The following HTR4 variants were observed in gnomAD, a reference collection of about 807,000 sequenced individuals.
HTR4 encodes the protein 5-hydroxytryptamine receptor 4.
HTR4 carries 16 observed loss-of-function variants against 36.8 expected under a neutral mutation model. The ratio of observed to expected loss-of-function variants is 0.43; its 90% CI spans 0.29 to 0.66. HTR4 has a LOEUF of 0.66. Among genes scored for constraint, HTR4 ranks in the 30% least tolerant of loss-of-function variants. The pLI, the probability that HTR4 is intolerant of heterozygous loss-of-function variation, is 0.13. For missense variants in HTR4, 438 were observed against 490.9 expected, an observed-to-expected ratio of 0.89 and a Z score of 1.02; for synonymous variants, 189 against 185.1, an observed-to-expected ratio of 1.02 and a Z score of -0.17.
chr5:148,485,656 T>C (rs947479591), intron 6 of HTR4, among the ~76,000 whole-genome samples: 2 of 152,116 alleles, frequency 1.3e-5, no homozygotes, highest in African/African-American at 2.4e-5. Flanking sequence ...TGGAACCCCA[T>C]GTTTTCTGTG....
intron 5 of HTR4, among the ~76,000 whole-genome samples, chr5:148,458,139 T>G (rs113028635): frequency 0.054 from 7,606 of 140,282 alleles, 671 homozygotes; most frequent in African/African-American, 0.19. Flanking sequence ...TATATTTTAA[T>G]ATCTATTTAA....
At chr5:148,652,314 G>A (rs183740795) in intron 1 of HTR4, among the ~76,000 whole-genome samples, 226 of 152,272 alleles carry the variant, frequency 1.5e-3, no homozygotes, top group Non-Finnish European at 2.7e-3. Flanking sequence ...GGAAGAGGAG[G>A]AATAAAAAGG....
At chr5:148,472,502 G>A (rs1029937272), downstream of HTR4, among the ~76,000 whole-genome samples, 1 of 152,040 alleles carries the variant, frequency 6.6e-6, no homozygotes, top group South Asian at 2.1e-4. Flanking sequence ...TGTTGGTGTT[G>A]GTATTGTTGT....
intron 5 of HTR4, among the ~76,000 whole-genome samples, chr5:148,515,352 A>G (rs917876163): frequency 1.3e-5 from 2 of 152,160 alleles, no homozygotes; most frequent in Admixed American, 6.6e-5. Flanking sequence ...AAAACCCACA[A>G]GACATTAATA....
At chr5:148,608,896 T>C (rs1325688178) in intron 2 of HTR4, among the ~76,000 whole-genome samples, 1 of 152,216 alleles carries the variant, frequency 6.6e-6, no homozygotes, top group East Asian at 1.9e-4. Flanking sequence ...TTATTGGTTC[T>C]GAAGCTTGCC....
chr5:148,649,882 C>T (rs1753982631), intron 1 of HTR4, among the ~76,000 whole-genome samples: 2 of 152,178 alleles, frequency 1.3e-5, no homozygotes, highest in South Asian at 4.2e-4. Context: ...CATTTTCGTT[C>T]TTTAGGTCTT....
At chr5:148,503,216 G>A (rs1243993519) in intron 6 of HTR4, among the ~76,000 whole-genome samples, 2 of 152,088 alleles carry the variant, frequency 1.3e-5, no homozygotes, top group African/African-American at 4.8e-5. Context: ...TGAAATGAAG[G>A]AAAAAATGTT....
At chr5:148,491,232 A>G (rs1326756487) in intron 6 of HTR4, among the ~76,000 whole-genome samples, 1 of 152,176 alleles carries the variant, frequency 6.6e-6, no homozygotes, top group East Asian at 1.9e-4. Context: ...GAAAGGGCTT[A>G]TCTGCAAGGT....
At chr5:148,603,680 C>A (rs1001446162) in intron 2 of HTR4, among the ~76,000 whole-genome samples, 1 of 151,752 alleles carries the variant, frequency 6.6e-6, no homozygotes, top group African/African-American at 2.4e-5. Context: ...AGAAAATATA[C>A]TAGATACAAG....
chr5:148,461,065 T>C (rs1013525878), intron 5 of HTR4, among the ~76,000 whole-genome samples: 3 of 152,002 alleles, frequency 2.0e-5, no homozygotes, highest in Non-Finnish European at 4.4e-5. Flanking sequence ...CTTGGATTAG[T>C]TATTAAATAT....
intron 2 of HTR4, among the ~76,000 whole-genome samples, chr5:148,589,366 C>T (rs1213779531): frequency 6.6e-6 from 1 of 152,178 alleles, no homozygotes; most frequent in East Asian, 1.9e-4. Flanking sequence ...TGACATTCTG[C>T]CAGCCCTTGT....
At chr5:148,523,456 G>A in intron 4 of HTR4, 110 bp from the exon 5 acceptor site, 4 of 761,116 alleles carry the variant, frequency 5.3e-6, no homozygotes, top group Non-Finnish European at 2.0e-6. Flanking sequence ...TGGAGCAAGG[G>A]ATAGAGAACA....
chr5:148,523,267 A>G lies in HTR4; in HGVS notation c.433T>C (p.Cys145Arg). 6.2e-7 allele frequency: 1 copy of G among 1,613,458 alleles called. No individual in the cohort carries two copies. The highest frequency in any genetic ancestry group is 8.5e-7 in the Non-Finnish European group (1 of 1,179,626). Residue 145 changes from cysteine to arginine, a missense_variant, in exon 5 of 7, where the codon TGC (cysteine) becomes CGC (arginine). Transcript: ENST00000377888. ...GAAATAAACGTGGGGATGACCCAGC[A>G]GCCTCCCAGCATTAATGCGATGCGC... ...PLRIALMLGG[C>R]WVIPTFISFL...
chr5:148,600,475 C>G (rs1218160733), intron 2 of HTR4, among the ~76,000 whole-genome samples: 1 of 149,844 alleles, frequency 6.7e-6, no homozygotes, highest in Non-Finnish European at 1.5e-5. Flanking sequence ...CCTAAATACT[C>G]CAGAAAAAAA....
intron 2 of HTR4, among the ~76,000 whole-genome samples, chr5:148,579,468 T>A (rs1338218162): frequency 6.6e-6 from 1 of 152,080 alleles, no homozygotes; most frequent in Admixed American, 6.6e-5. Context: ...GGGTTAGGCA[T>A]GTGGCCCAAG....
intron 2 of HTR4, among the ~76,000 whole-genome samples, chr5:148,578,741 C>T (rs931489935): frequency 2.0e-5 from 3 of 152,062 alleles, no homozygotes; most frequent in Admixed American, 6.6e-5. Flanking sequence ...ATACCTACGT[C>T]TTAGGATTGT....
rs1335333801 is a variant in HTR4, at chr5:148,550,118, G to T, written c.152+19C>A. Reference sequence around the variant, plus strand: ...CAGAACTCCCATGTTTCCTCAAAAGGTTCCCTCCTGCTGCTCACCTGAGCT... The same window carrying T: ...CAGAACTCCCATGTTTCCTCAAAAGTTTCCCTCCTGCTGCTCACCTGAGCT... On this transcript the variant is annotated intron_variant, in intron 3 of 6. Coordinates refer to ENST00000377888, the MANE Select transcript of HTR4 (RefSeq NM_000870.7). 8.1e-6 allele frequency: 13 copies of T among 1,613,334 alleles called. No homozygotes were observed. The highest frequency in any genetic ancestry group is 3.3e-5 in the Admixed American group (2 of 59,980).
chr5:148,632,296 G>A (rs1044663004), intron 2 of HTR4, among the ~76,000 whole-genome samples: 5 of 152,132 alleles, frequency 3.3e-5, no homozygotes, highest in African/African-American at 1.2e-4. Context: ...CCCTAGCAAA[G>A]GGCGGAAAAT....
In HTR4 at chr5:148,528,016, C is replaced by A. The variant is rs117241796; in HGVS notation, c.354-4670G>T. The stretch of plus-strand genomic sequence containing the variant: ...ACTCGAAGGGTGCTAAGGTGGAATA[C>A]ATCCAAACATGCCCAAACACAGATG... On this transcript the variant is annotated intron_variant, in intron 4 of 6. Transcript: ENST00000377888. 5.5e-4 allele frequency among the ~76,000 whole-genome samples: 84 copies of A among 152,308 alleles called. No individual in the cohort carries two copies. The East Asian group carries it at 0.015, about 28-fold the overall frequency.
Sources: allele counts gnomAD v4.1 joint callset (sites outside exome capture counted in the v4.1 genomes callset), GRCh38; gene constraint gnomAD v4.1.1; transcripts MANE v1.5; gene names NCBI Gene and HGNC (gene_info 2026-07-23, HGNC 2026-07-21).